SLC35D4: variants seen among roughly 807,000 people sequenced by gnomAD.
The protein encoded by SLC35D4 is solute carrier family 35 member D4.
At chr18:23,290,196 C>G in the SLC35D4 span, among the ~76,000 whole-genome samples, 9 of 152,128 alleles carry the variant, frequency 5.9e-5, no homozygotes, top group African/African-American at 2.2e-4. Context: ...ACCTCCCACA[C>G]GTTTCATGCC....
the SLC35D4 span, among the ~76,000 whole-genome samples, chr18:23,304,087 G>A: frequency 3.0e-4 from 45 of 149,642 alleles, no homozygotes; most frequent in South Asian, 2.1e-4. Context: ...TGGCTAACAC[G>A]GTGAAACCTC....
chr18:23,414,518 G>C, the SLC35D4 span, among the ~76,000 whole-genome samples: 1 of 151,592 alleles, frequency 6.6e-6, no homozygotes, highest in Admixed American at 6.6e-5. Context: ...TCTAAAAGTA[G>C]AAAAATAAGC....
chr18:23,284,892 T>A, the SLC35D4 span, among the ~76,000 whole-genome samples: 1 of 152,198 alleles, frequency 6.6e-6, no homozygotes, highest in Non-Finnish European at 1.5e-5. Flanking sequence ...GGAGGCAGAA[T>A]GCTGTGAGAG....
At chr18:23,369,344 G>A in the SLC35D4 span, among the ~76,000 whole-genome samples, 1 of 152,150 alleles carries the variant, frequency 6.6e-6, no homozygotes, top group Admixed American at 6.5e-5. Flanking sequence ...CCCAAAACCT[G>A]GAGGCCAGCT....
At chr18:23,310,927 T>C in the SLC35D4 span, among the ~76,000 whole-genome samples, 1 of 152,138 alleles carries the variant, frequency 6.6e-6, no homozygotes, top group Non-Finnish European at 1.5e-5. Flanking sequence ...GACCTGGGTA[T>C]TGTCCTCAGG....
the SLC35D4 span, among the ~76,000 whole-genome samples, chr18:23,312,146 C>G: frequency 1.3e-5 from 2 of 152,194 alleles, no homozygotes; most frequent in Non-Finnish European, 2.9e-5. Context: ...GACTGCCTAA[C>G]TCAGGTGACT....
the SLC35D4 span, among the ~76,000 whole-genome samples, chr18:23,255,703 G>T: frequency 6.6e-6 from 1 of 151,842 alleles, no homozygotes; most frequent in Non-Finnish European, 1.5e-5. Context: ...GGAACTACAG[G>T]CATGTACCAC....
chr18:23,309,700 C>T, the SLC35D4 span: 1 of 1,614,120 alleles, frequency 6.2e-7, no homozygotes, highest in East Asian at 2.2e-5. Flanking sequence ...TTGCACTGGT[C>T]AGGATCGCAT....
chr18:23,354,217 T>C, the SLC35D4 span, among the ~76,000 whole-genome samples: 1 of 151,898 alleles, frequency 6.6e-6, no homozygotes, highest in East Asian at 1.9e-4. Flanking sequence ...AAGAGTGAGA[T>C]ATGGCCAGGT....
chr18:23,345,144 G>T, the SLC35D4 span, among the ~76,000 whole-genome samples: 1 of 151,982 alleles, frequency 6.6e-6, no homozygotes, highest in Non-Finnish European at 1.5e-5. Context: ...TTATTTGTAG[G>T]TTGGTTTGTA....
At chr18:23,291,551 G>T in the SLC35D4 span, among the ~76,000 whole-genome samples, 488 of 152,318 alleles carry the variant, frequency 3.2e-3, 3 homozygotes, top group African/African-American at 0.011. Flanking sequence ...GGAGGACCTG[G>T]ATAGCCTCCT....
chr18:23,428,550 C>G, the SLC35D4 span, among the ~76,000 whole-genome samples: 1 of 152,176 alleles, frequency 6.6e-6, no homozygotes, highest in Non-Finnish European at 1.5e-5. Context: ...CAGGATCTCA[C>G]TTTGTCACCC....
chr18:23,385,946 A>G, the SLC35D4 span, among the ~76,000 whole-genome samples: 4 of 151,872 alleles, frequency 2.6e-5, no homozygotes, highest in Non-Finnish European at 4.4e-5. Flanking sequence ...CCTGGCTAAC[A>G]TGGTGAAATC....
chr18:23,317,795 C>G, the SLC35D4 span, among the ~76,000 whole-genome samples: 6 of 151,660 alleles, frequency 4.0e-5, no homozygotes, highest in African/African-American at 7.3e-5. Flanking sequence ...GGCTGCAGTG[C>G]AGTGGCCAAT....
At chr18:23,243,801 G>A in the SLC35D4 span, among the ~76,000 whole-genome samples, 7 of 150,944 alleles carry the variant, frequency 4.6e-5, no homozygotes. Flanking sequence ...GAACCCGGGA[G>A]GCAGAGGTTG....
At chr18:23,260,070 G>A in the SLC35D4 span, 1 of 152,192 alleles carries the variant, frequency 6.6e-6, no homozygotes, top group Admixed American at 6.5e-5. Flanking sequence ...AAGCCAAGAG[G>A]TTGCTGCAGC....
the SLC35D4 span, among the ~76,000 whole-genome samples, chr18:23,418,383 A>ATTTTTT: frequency 1.4e-5 from 2 of 146,412 alleles, no homozygotes; most frequent in African/African-American, 5.2e-5. Context: ...TATTATTATT[A>ATTTTTT]TTTTTTGAGA....
the SLC35D4 span, among the ~76,000 whole-genome samples, chr18:23,291,303 A>T: frequency 6.6e-6 from 1 of 152,246 alleles, no homozygotes; most frequent in South Asian, 2.1e-4. Context: ...AGGGTCTCAG[A>T]GGACAGCCCA....
At chr18:23,433,482 T>C in the SLC35D4 span, among the ~76,000 whole-genome samples, 1 of 152,160 alleles carries the variant, frequency 6.6e-6, no homozygotes, top group Non-Finnish European at 1.5e-5. Context: ...GAAGGCTCAA[T>C]TGCTATGAGG....
Sources: gnomAD v4.1 joint callset for allele counts (sites outside exome capture counted in the v4.1 genomes callset) on GRCh38, gnomAD v4.1.1 for gene constraint, MANE v1.5 for transcripts, NCBI Gene and HGNC (gene_info 2026-07-23, HGNC 2026-07-21) for gene names.